Variants in MUC4 observed in about 807,000 individuals in gnomAD.
The protein encoded by MUC4 is mucin-4.
In MUC4, 202 loss-of-function variants were observed where a neutral mutation model predicts 257.9. That is an observed-to-expected ratio of 0.78 (90% CI 0.70 to 0.88). MUC4 has a LOEUF of 0.88. MUC4 is among the 40% of genes least tolerant of loss of function. MUC4 has a pLI of 0.00. For missense variants in MUC4, 5,976 were observed against 6,513.7 expected (o/e 0.92, Z 2.84); for synonymous variants, 2,351 against 2,757.1 (o/e 0.85, Z 4.62).
chr3:195,774,132 C>A, intron 4 of MUC4, 40 bp downstream of exon 4: 4 of 1,566,048 alleles, frequency 2.6e-6, no homozygotes, highest in Non-Finnish European at 3.4e-6. Flanking sequence ...AGAAGTGGGC[C>A]CTGGGAGTTC....
rs1560258304 is a variant in MUC4 at position 195,766,763 on chromosome 3, G to C, written c.13530-12C>G. 1 of 1,613,256 alleles carries C rather than the reference G, an allele frequency of 6.2e-7. No homozygotes were observed. Among genetic ancestry groups the C allele is most frequent in the Non-Finnish European group, 8.5e-7 (1 of 1,179,310 alleles). On this transcript the variant is annotated splice_polypyrimidine_tract_variant and intron_variant, in intron 7 of 24. Coordinates refer to ENST00000463781, the MANE Select transcript of MUC4 (RefSeq NM_018406.7). ...AATAGCCATCTCCACTGCAGGAAAG[G>C]AGAGACTCTCAGGCCTCTGCCGTGC... is the stretch of plus-strand genomic sequence containing the variant.
In MUC4 at chr3:195,790,290, C is replaced by A. The variant is rs1335528460; in HGVS notation, c.1290G>T (p.Trp430Cys). ...AGAGTGCTGTTGACAGAGTGTCTGACCACCATATGGTTGAAACTTTGGAAG... is the reference window on the plus strand; with the variant it reads ...AGAGTGCTGTTGACAGAGTGTCTGAACACCATATGGTTGAAACTTTGGAAG... The part of the protein sequence containing the change: ...AITSKVSTIW[W>C]SDTLSTALSP... The change falls in exon 2 of 25, where the codon TGG becomes TGT. Residue 430 changes from tryptophan (W) to cysteine (C), a missense_variant. Transcript: ENST00000463781. 2 of 1,613,792 alleles carry A rather than the reference C, an allele frequency of 1.2e-6. No homozygotes were observed. The highest frequency in any genetic ancestry group is 1.7e-6 in the Non-Finnish European group (2 of 1,179,850).
In MUC4 at chr3:195,757,425, C is replaced by A; in HGVS notation, c.14987-97G>T. The A allele has an allele frequency of 9.2e-7, 1 of 1,088,560 alleles. No individual in the cohort carries two copies. The highest frequency in any genetic ancestry group is 1.3e-6 in the Non-Finnish European group (1 of 762,842). 67.4% of individuals were successfully genotyped at this position (1,088,560 alleles called of 1,614,324 possible). On this transcript the variant is annotated intron_variant, in intron 17 of 24. Transcript: ENST00000463781. The surrounding 1 kb of genome is among the most constrained non-coding windows in gnomAD (Gnocchi z 4.8). ...GGCTTCCCCCACCCCTCTCAGGCCA[C>A]CCTCCCCCTCCCCAGACAAATCTCA...
chr3:195,771,553 G>A (rs1461673761), intron 5 of MUC4, 99 bp downstream of exon 5: 1 of 1,355,654 alleles, frequency 7.4e-7, no homozygotes, highest in Non-Finnish European at 1.0e-6. Flanking sequence ...TGCTGCAGGG[G>A]CTGTCACAGC....
At position 195,751,652 on chromosome 3, in the gene MUC4, T is replaced by G. The variant is rs145539855; in HGVS notation, c.15583-381A>C. The G allele has an allele frequency of 5.4e-3, 1,876 of 349,042 alleles. 36 individuals are homozygous for G. The highest frequency in any genetic ancestry group is 0.036 in the African/African-American group (1,727 of 48,428). 21.6% of individuals were successfully genotyped at this position (349,042 alleles called of 1,614,324 possible). A position where few individuals can be genotyped will look rare whatever the true frequency, so the allele number is the denominator to read the frequency against. ...TCGGGGCTGGGGGTGTCAAGGTGAC[T>G]TAGGTGGAGTCTAAACTCAAAGAGT... On this transcript the variant is annotated intron_variant, in intron 21 of 24. Transcript: ENST00000463781.
At chr3:195,793,891 C>T (rs2149048355) in intron 1 of MUC4, among the ~76,000 whole-genome samples, 1 of 152,202 alleles carries the variant, frequency 6.6e-6, no homozygotes, top group South Asian at 2.1e-4. Flanking sequence ...TTGCCCTGGT[C>T]ACAGACTACC....
chr3:195,811,620 C>T, intron 1 of MUC4, 116 bp downstream of exon 1: 1 of 878,284 alleles, frequency 1.1e-6, no homozygotes, highest in South Asian at 1.8e-5. Flanking sequence ...CGCTGTCTCC[C>T]TTTCCCCTAT....
At chr3:195,776,591 A>G (rs1257865402) in intron 3 of MUC4, among the ~76,000 whole-genome samples, 9 of 18,280 alleles carry the variant, frequency 4.9e-4, no homozygotes, top group Admixed American at 1.1e-3. Flanking sequence ...CATACCTTCC[A>G]CACCCATACC....
chr3:195,778,423 C>A lies in MUC4; in HGVS notation c.12823G>T (p.Gly4275Trp), dbSNP rs751256288. 9.3e-6 allele frequency: 15 copies of A among 1,612,940 alleles called. No individual in the cohort carries two copies. The South Asian group carries it at 1.5e-4, about 17-fold the overall frequency. Residue 4275 changes from glycine (G) to tryptophan (W), a missense_variant, in exon 3 of 25, where the codon GGG (glycine) becomes TGG (tryptophan). By Grantham distance (184) the Gly-to-Trp change is radical. Transcript: ENST00000463781. ...MTTPSLKTDGGRRTATSPPPT... is the reference protein window; with the variant it reads ...MTTPSLKTDGWRRTATSPPPT... ...GGTGGTGATGTGGCTGTGCGTCTCC[C>A]ACCGTCTGTCTTCAGTGACGGTGTT...
intron 1 of MUC4, among the ~76,000 whole-genome samples, chr3:195,795,344 C>T (rs1734439446): frequency 6.6e-6 from 1 of 151,952 alleles, no homozygotes; most frequent in Admixed American, 6.6e-5. Flanking sequence ...ATGACAGCAC[C>T]GTCCTTTTTT....
chr3:195,780,255 C>T lies in MUC4; in HGVS notation c.11325G>A (p.Thr3775=), dbSNP rs446557. The change falls in exon 2 of 25, where the codon ACG becomes ACA. Residue 3775 remains threonine, a synonymous_variant. Coordinates refer to ENST00000463781, the MANE Select transcript of MUC4 (RefSeq NM_018406.7). The part of the protein sequence containing the change: ...DASSVSTGHA[T]PLPVTDASSA... ...AGGAAGCGTCGGTGACAGGAAGAGG[C>T]GTGGCGTGACCTGTGGACACTGAGG... 115 of 1,251,612 alleles carry T rather than the reference C, an allele frequency of 9.2e-5. 2 individuals are homozygous for T. In the African/African-American group the frequency reaches 1.7e-3, roughly 18 times the overall value. The allele number at this position is 1,251,612 out of a possible 1,614,324, so 77.5% of individuals were successfully genotyped here.
In MUC4 at chr3:195,771,813, T is replaced by A; in HGVS notation, c.13081A>T (p.Thr4361Ser). 1 of 1,613,724 alleles carries A rather than the reference T, an allele frequency of 6.2e-7. No homozygotes were observed. The highest frequency in any genetic ancestry group is 8.5e-7 in the Non-Finnish European group (1 of 1,179,754). The change falls in exon 5 of 25, where the codon ACA (threonine) becomes TCA (serine). Residue 4361 changes from threonine to serine, a missense_variant. Around this residue, in one of 44 missense-constraint regions of MUC4, gnomAD observed 233 missense variants for 171.2 expected, o/e 1.36. Transcript: ENST00000463781. ...GGGAAGATGATCTGGCCATTGTCTG[T>A]GAACTGAGCACATGGGTTTTGTGGT... ...GSSLRDSLYF[T>S]DNGQIIFPES...
chr3:195,762,550 A>G (rs1221742502), intron 13 of MUC4, among the ~76,000 whole-genome samples: 114 of 138,072 alleles, frequency 8.3e-4, no homozygotes, highest in Non-Finnish European at 9.8e-4. Context: ...ACCGCAACGC[A>G]CCCGGCCCTG....
chr3:195,766,024 G>A lies in MUC4; in HGVS notation c.13619-575C>T, dbSNP rs902404113. On this transcript the variant is annotated intron_variant, in intron 8 of 24. Coordinates refer to ENST00000463781, the MANE Select transcript of MUC4 (RefSeq NM_018406.7). Reference sequence around the variant, plus strand: ...CACCCAGGCTGGAGTGCAGTGGCGCGATCTCGGCTCGCTGCAACCTCCACC... The same window carrying A: ...CACCCAGGCTGGAGTGCAGTGGCGCAATCTCGGCTCGCTGCAACCTCCACC... Among the ~76,000 whole-genome samples, 30 of 152,150 alleles carry A rather than the reference G, an allele frequency of 2.0e-4. 1 individual carries two copies. In the East Asian group the frequency reaches 4.6e-3, roughly 24 times the overall value.
chr3:195,767,486 CCACCATCACCAT>C (rs1438035605), intron 7 of MUC4, among the ~76,000 whole-genome samples: 1 of 121,590 alleles, frequency 8.2e-6, no homozygotes, highest in African/African-American at 2.8e-5. Flanking sequence ...ACCATCACCA[CCACCATCACCAT>C]CACCACCACC....
In MUC4 at chr3:195,783,331, GTGTCACCTGTGGATACTGAGGAAGTCT is replaced by G. The variant is rs1729367835; in HGVS notation, c.8222_8248del (p.Glu2741_Thr2750delinsAla). 1.5e-6 allele frequency: 2 copies of G among 1,304,042 alleles called. No individual in the cohort carries two copies. Among genetic ancestry groups the G allele is most frequent in the African/African-American group, 1.7e-5 (1 of 59,966 alleles). 80.8% of individuals were successfully genotyped at this position (1,304,042 alleles called of 1,614,324 possible). On this transcript the variant is annotated inframe_deletion, in exon 2 of 25. Coordinates refer to ENST00000463781, the MANE Select transcript of MUC4 (RefSeq NM_018406.7). ...AGTGTCGGTGACAGGAAGAGGGGTG[GTGTCACCTGTGGATACTGAGGAAGTCT>G]CGGTGACAAGAAGAGGGGTGGTGTC...
chr3:195,763,946 A>G (rs1719810428), intron 11 of MUC4, 99 bp downstream of exon 11: 1 of 1,451,378 alleles, frequency 6.9e-7, no homozygotes, highest in Non-Finnish European at 9.1e-7. Flanking sequence ...CCTTGTGGCC[A>G]CAGCTCTGCC....
chr3:195,811,683 C>A, intron 1 of MUC4, 53 bp downstream of exon 1: 3 of 1,558,436 alleles, frequency 1.9e-6, no homozygotes, highest in South Asian at 2.3e-5. Context: ...ACAGCTCCCA[C>A]CTCCCCCAAG....
Position 195,776,882 on chromosome 3 carries a change from ATACCTTCCACACCCT to A in MUC4, c.12943+1406_12943+1420del, listed in dbSNP as rs1186639230. On this transcript the variant is annotated intron_variant, in intron 3 of 24. Transcript: ENST00000463781. ...TTCCACACCCATACCTTCCACACCC[ATACCTTCCACACCCT>A]TACCTTCCACACCCATACCTTCCAC... Among the ~76,000 whole-genome samples the A allele has an allele frequency of 4.6e-4, 7 of 15,316 alleles. 1 individual carries two copies. The highest frequency in any genetic ancestry group is 9.4e-4 in the African/African-American group (5 of 5,298). 10.0% of individuals were successfully genotyped at this position (15,316 alleles called of 152,430 possible).
Sources: gnomAD v4.1 joint callset for allele counts (sites outside exome capture counted in the v4.1 genomes callset) on GRCh38, gnomAD v4.1.1 for gene constraint, gnomAD v4.1.1 regional missense constraint, Gnocchi (gnomAD v3.1) non-coding constraint, MANE v1.5 for transcripts, NCBI Gene and HGNC (gene_info 2026-07-23, HGNC 2026-07-21) for gene names.